The following SPRED2 variants were observed in gnomAD, a reference collection of about 807,000 sequenced individuals.
SPRED2 encodes the protein sprouty related EVH1 domain containing 2.
A neutral mutation model predicts 43.0 loss-of-function variants in SPRED2; 47 were observed. The ratio of observed to expected loss-of-function variants is 1.09; its 90% CI spans 0.87 to 1.40. SPRED2 has a LOEUF of 1.40. Ranked by LOEUF, SPRED2 falls within the 40% of genes most tolerant of loss-of-function variation. The pLI is 0.00. For missense variants in SPRED2, 561 were observed against 586.4 expected, an observed-to-expected ratio of 0.96 and a Z score of 0.45; for synonymous variants, 225 against 225.7, an observed-to-expected ratio of 1.00 and a Z score of 0.03.
chr2:65,423,668 C>G (rs1676488385), intron 1 of SPRED2, among the ~76,000 whole-genome samples: 1 of 152,154 alleles, frequency 6.6e-6, no homozygotes, highest in African/African-American at 2.4e-5. Context: ...AGAAAGAACA[C>G]CTTATTACAT....
chr2:65,376,174 T>A (rs1280998998), intron 1 of SPRED2, among the ~76,000 whole-genome samples: 3 of 152,224 alleles, frequency 2.0e-5, no homozygotes, highest in African/African-American at 7.2e-5. Context: ...TCCCTACAGT[T>A]AAACTTTAGA....
At chr2:65,372,232 C>T (rs2104342189) in intron 1 of SPRED2, among the ~76,000 whole-genome samples, 1 of 152,238 alleles carries the variant, frequency 6.6e-6, no homozygotes, top group Non-Finnish European at 1.5e-5. Context: ...ATTATCACAC[C>T]CGTAAATTCT....
chr2:65,430,397 G>A (rs1383894003), intron 1 of SPRED2, among the ~76,000 whole-genome samples: 4 of 152,184 alleles, frequency 2.6e-5, no homozygotes, highest in African/African-American at 4.8e-5. Flanking sequence ...GGACTCACAG[G>A]AAGGAAACTG....
chr2:65,333,638 T>G (rs1673880184), intron 3 of SPRED2, among the ~76,000 whole-genome samples: 1 of 152,250 alleles, frequency 6.6e-6, no homozygotes, highest in African/African-American at 2.4e-5. Flanking sequence ...AATAACATTT[T>G]AAATATTTGC....
rs566266779 is a variant in SPRED2, at chr2:65,361,442, A to G, written c.27-16546T>C. On this transcript the variant is annotated intron_variant, in intron 1 of 5. Transcript: ENST00000356388. ...CAAAATAGATTTTCCCTGAATTGTTAGCTCTGACAAATTCCTCTAATCCTT... is the reference window on the plus strand; with the variant it reads ...CAAAATAGATTTTCCCTGAATTGTTGGCTCTGACAAATTCCTCTAATCCTT... Among the ~76,000 whole-genome samples, 18 of 152,394 alleles carry G rather than the reference A, an allele frequency of 1.2e-4. No individual in the cohort carries two copies. In the East Asian group the frequency reaches 3.5e-3, roughly 29 times the overall value.
At chr2:65,338,208 CTCTCCCGTCTCCCTCTCCCTCTCCCG>C (rs1674031718) in intron 2 of SPRED2, among the ~76,000 whole-genome samples, 1 of 109,656 alleles carries the variant, frequency 9.1e-6, no homozygotes, top group Admixed American at 8.6e-5. Flanking sequence ...CTCCCTCTCC[CTCTCCCGTCTCCCTCTCCCTCTCCCG>C]TCTCCCTCTC....
chr2:65,416,927 G>A (rs1676288303), intron 1 of SPRED2, among the ~76,000 whole-genome samples: 1 of 152,142 alleles, frequency 6.6e-6, no homozygotes, highest in Non-Finnish European at 1.5e-5. Flanking sequence ...ATGGTGCAGT[G>A]GCCTTAGAAA....
Position 65,311,745 on chromosome 2 carries a change from G to C in SPRED2, c.*1756C>G. ...CAATGAATGAAGACGTCTACTAACTGACTCATAAGCACACTGGGTATTTAC... is the reference window on the plus strand; with the variant it reads ...CAATGAATGAAGACGTCTACTAACTCACTCATAAGCACACTGGGTATTTAC... On this transcript the variant is annotated 3_prime_UTR_variant, in exon 6 of 6. Coordinates refer to ENST00000356388, the MANE Select transcript of SPRED2 (RefSeq NM_181784.3). 1.0e-6 allele frequency: 1 copy of C among 985,396 alleles called. No homozygotes were observed. The highest frequency in any genetic ancestry group is 1.2e-6 in the Non-Finnish European group (1 of 829,934). 61.0% of individuals were successfully genotyped at this position (985,396 alleles called of 1,614,324 possible). A position where few individuals can be genotyped will look rare whatever the true frequency, so the allele number is the denominator to read the frequency against.
chr2:65,413,441 G>A (rs1676206613), intron 1 of SPRED2, among the ~76,000 whole-genome samples: 1 of 152,200 alleles, frequency 6.6e-6, no homozygotes, highest in Admixed American at 6.5e-5. Flanking sequence ...TCTGTCCACT[G>A]ATCAGGAAAC....
At chr2:65,356,718 G>C (rs1173936624) in intron 1 of SPRED2, among the ~76,000 whole-genome samples, 1 of 151,878 alleles carries the variant, frequency 6.6e-6, no homozygotes, top group Non-Finnish European at 1.5e-5. Flanking sequence ...CTGGCCGGGC[G>C]CGGTGGTTCA....
At chr2:65,431,024 G>A (rs2103828001) in intron 1 of SPRED2, among the ~76,000 whole-genome samples, 1 of 152,068 alleles carries the variant, frequency 6.6e-6, no homozygotes, top group Non-Finnish European at 1.5e-5. Context: ...AGACCAGGGA[G>A]GGAAAATGCC....
At chr2:65,360,101 A>AAAAAAAAAAAAAAAAAAC (rs1674768482) in intron 1 of SPRED2, among the ~76,000 whole-genome samples, 1 of 12,612 alleles carries the variant, frequency 7.9e-5, no homozygotes, top group African/African-American at 1.5e-4. Context: ...AAAAAAAAAC[A>AAAAAAAAAAAAAAAAAAC]AAAAAAAAAA....
At chr2:65,394,924 T>C (rs1239536623) in intron 1 of SPRED2, among the ~76,000 whole-genome samples, 1 of 152,196 alleles carries the variant, frequency 6.6e-6, no homozygotes, top group Non-Finnish European at 1.5e-5. Context: ...ATGCTAATTG[T>C]AGTGATTTTT....
At chr2:65,310,095 C>T (rs1673029283), downstream of SPRED2, among the ~76,000 whole-genome samples, 1 of 152,164 alleles carries the variant, frequency 6.6e-6, no homozygotes, top group African/African-American at 2.4e-5. Flanking sequence ...ACTCTTTCCC[C>T]ACTCCTCCAA....
intron 1 of SPRED2, among the ~76,000 whole-genome samples, chr2:65,393,326 CT>C (rs55696467): frequency 0.36 from 51,472 of 141,534 alleles, 10,164 homozygotes; most frequent in East Asian, 0.67. Flanking sequence ...AATCATAAGG[CT>C]TTTTTTTTTT....
chr2:65,410,603 C>CAA (rs1226177155), intron 1 of SPRED2, among the ~76,000 whole-genome samples: 1 of 151,870 alleles, frequency 6.6e-6, no homozygotes, highest in East Asian at 1.9e-4. Context: ...ACTAAAAATA[C>CAA]AAAAAATTAG....
intron 1 of SPRED2, among the ~76,000 whole-genome samples, chr2:65,393,926 G>A (rs1380150357): frequency 6.6e-6 from 1 of 152,150 alleles, no homozygotes; most frequent in Admixed American, 6.5e-5. Context: ...CTAATAGCTG[G>A]GGGGTCTTGA....
intron 1 of SPRED2, among the ~76,000 whole-genome samples, chr2:65,425,387 G>A (rs1438385707): frequency 1.3e-5 from 2 of 152,212 alleles, no homozygotes; most frequent in African/African-American, 2.4e-5. Flanking sequence ...AGTAAACACA[G>A]AAAGTTTGTT....
chr2:65,338,711 G>A lies in SPRED2; in HGVS notation c.205-3938C>T, dbSNP rs1286028595. ...AGTGCGGAGATTGCAGCCTCTGCCC[G>A]GCCGCCACCCCGTCTGGGAAGTGAG... On this transcript the variant is annotated intron_variant, in intron 2 of 5. Coordinates refer to ENST00000356388, the MANE Select transcript of SPRED2 (RefSeq NM_181784.3). Among the ~76,000 whole-genome samples the A allele has an allele frequency of 4.0e-5, 6 of 151,802 alleles. No individual in the cohort carries two copies. In the East Asian group the frequency reaches 1.2e-3, roughly 30 times the overall value.
Sources: gnomAD v4.1 joint callset for allele counts (sites outside exome capture counted in the v4.1 genomes callset) on GRCh38, gnomAD v4.1.1 for gene constraint, MANE v1.5 for transcripts, NCBI Gene and HGNC (gene_info 2026-07-23, HGNC 2026-07-21) for gene names.